The following TNFAIP8 variants were observed in gnomAD, a reference collection of about 807,000 sequenced individuals.
TNFAIP8 encodes TNF alpha induced protein 8.
A neutral mutation model predicts 13.3 loss-of-function variants in TNFAIP8; 7 were observed. That is an observed-to-expected ratio of 0.52 (90% CI 0.30 to 0.99). TNFAIP8 has a LOEUF of 0.99. Among genes scored for constraint, TNFAIP8 ranks in the 50% least tolerant of loss-of-function variants. The pLI, the probability that TNFAIP8 is intolerant of heterozygous loss-of-function variation, is 0.07. For synonymous variants in TNFAIP8, 94 were observed against 87.6 expected (o/e 1.07, Z -0.41); for missense variants, 258 against 236.9 (o/e 1.09, Z -0.58).
chr5:119,327,376 G>GA (rs889583234), intron 1 of TNFAIP8, among the ~76,000 whole-genome samples: 18 of 152,248 alleles, frequency 1.2e-4, no homozygotes, highest in Admixed American at 6.5e-4. Context: ...TTTCTTAGGG[G>GA]AAAAAATCAA....
At chr5:119,296,277 T>G (rs1749172467) in intron 1 of TNFAIP8, among the ~76,000 whole-genome samples, 2 of 151,530 alleles carry the variant, frequency 1.3e-5, no homozygotes, top group African/African-American at 4.9e-5. Flanking sequence ...CATAGATAGC[T>G]CTTATTATTT....
At chr5:119,347,489 T>TA (rs1319092946) in intron 1 of TNFAIP8, among the ~76,000 whole-genome samples, 1 of 152,220 alleles carries the variant, frequency 6.6e-6, no homozygotes, top group African/African-American at 2.4e-5. Flanking sequence ...ATGGACTTAA[T>TA]ATCATCTTTT....
intron 1 of TNFAIP8, chr5:119,333,488 C>A: frequency 6.9e-7 from 1 of 1,454,916 alleles, no homozygotes; most frequent in Non-Finnish European, 9.1e-7. Flanking sequence ...TTGAGAAGGA[C>A]TGAGTCTCCC....
intron 1 of TNFAIP8, among the ~76,000 whole-genome samples, chr5:119,331,645 G>A (rs900011719): frequency 6.6e-6 from 1 of 152,192 alleles, no homozygotes; most frequent in African/African-American, 2.4e-5. Flanking sequence ...TGGGCCTGGA[G>A]CATGTGTAAG....
chr5:119,341,827 G>A (rs1484257621), intron 1 of TNFAIP8, among the ~76,000 whole-genome samples: 3 of 152,126 alleles, frequency 2.0e-5, no homozygotes, highest in Non-Finnish European at 4.4e-5. Context: ...CTGAAGAGAA[G>A]GAACCCTAAT....
chr5:119,274,505 C>G (rs1475780886), intron 1 of TNFAIP8, among the ~76,000 whole-genome samples: 3 of 152,180 alleles, frequency 2.0e-5, no homozygotes, highest in Admixed American at 6.5e-5. Context: ...ATGAGGTATA[C>G]CTGGAAGAGG....
At chr5:119,353,523 AG>A (rs1751254869), upstream of TNFAIP8, among the ~76,000 whole-genome samples, 1 of 152,234 alleles carries the variant, frequency 6.6e-6, no homozygotes, top group Admixed American at 6.5e-5. Flanking sequence ...GAGCTAAAAC[AG>A]AGCATTCTTC....
At chr5:119,307,008 G>T (rs10054006) in intron 1 of TNFAIP8, among the ~76,000 whole-genome samples, 74,855 of 151,984 alleles carry the variant, frequency 0.49, 20,110 homozygotes, top group East Asian at 0.84. Flanking sequence ...AGATGCTATT[G>T]ATTGGTACAG....
chr5:119,327,930 AT>A (rs1750271605), intron 1 of TNFAIP8, among the ~76,000 whole-genome samples: 1 of 152,136 alleles, frequency 6.6e-6, no homozygotes. Context: ...TTACATTATA[AT>A]ACATGAGCTT....
At chr5:119,274,245 C>T (rs550051960) in intron 1 of TNFAIP8, among the ~76,000 whole-genome samples, 10 of 152,190 alleles carry the variant, frequency 6.6e-5, no homozygotes, top group African/African-American at 9.7e-5. Flanking sequence ...GGCAACAGTG[C>T]AAGTTTCAGA....
rs181606835 is a variant in TNFAIP8 at position 119,360,746 on chromosome 5, A to G, written c.31+4625A>G. Among the ~76,000 whole-genome samples, 376 of 152,284 alleles carry G rather than the reference A, an allele frequency of 2.5e-3. 6 individuals are homozygous for G. The highest frequency in any genetic ancestry group is 9.1e-4 in the Non-Finnish European group (62 of 68,014). On this transcript the variant is annotated intron_variant, in intron 1 of 1. Transcript: ENST00000504771. ...ATGCACTCTCCTTGAAGTAGGACAG[A>G]CCTAGTCTGTTTGTATAGTTGTCAT... is the stretch of plus-strand genomic sequence containing the variant.
At chr5:119,298,822 C>T (rs2112646745) in intron 1 of TNFAIP8, among the ~76,000 whole-genome samples, 1 of 152,184 alleles carries the variant, frequency 6.6e-6, no homozygotes, top group Non-Finnish European at 1.5e-5. Context: ...ATTCTTTTTT[C>T]TCTAAACTTC....
Position 119,393,207 on chromosome 5 carries a change from A to C in TNFAIP8, c.423A>C (p.Gln141His). 6.2e-7 allele frequency: 1 copy of C among 1,613,988 alleles called. No individual in the cohort carries two copies. Among genetic ancestry groups the C allele is most frequent in the East Asian group, 2.2e-5 (1 of 44,882 alleles). Residue 141 changes from glutamine (Q) to histidine (H), a missense_variant, in exon 2 of 2, where the codon CAA becomes CAC. Transcript: ENST00000504771. ...LLNECREMLH[Q>H]IIQRHLTAKS... The stretch of plus-strand genomic sequence containing the variant: ...ATGAATGCAGAGAGATGCTGCACCA[A>C]ATCATTCAGCGCCACCTCACTGCCA...
intron 1 of TNFAIP8, among the ~76,000 whole-genome samples, chr5:119,290,153 G>A (rs1042715223): frequency 6.7e-6 from 1 of 150,372 alleles, no homozygotes; most frequent in African/African-American, 2.5e-5. Context: ...GCATACATAA[G>A]TGAAGTGTAG....
intron 1 of TNFAIP8, chr5:119,306,729 T>C (rs543281676): frequency 1.3e-5 from 2 of 152,360 alleles, no homozygotes; most frequent in South Asian, 4.1e-4. Context: ...CCAGTGATTA[T>C]CCAAGCCATT....
At chr5:119,280,615 TG>T (rs974260095) in intron 1 of TNFAIP8, among the ~76,000 whole-genome samples, 11 of 152,300 alleles carry the variant, frequency 7.2e-5, no homozygotes, top group African/African-American at 2.6e-4. Flanking sequence ...GGGAGACACA[TG>T]GGGTCTGGTT....
intron 1 of TNFAIP8, among the ~76,000 whole-genome samples, chr5:119,381,847 G>A (rs1264066237): frequency 6.6e-6 from 1 of 151,934 alleles, no homozygotes; most frequent in African/African-American, 2.4e-5. Flanking sequence ...CAGGAGAATC[G>A]CTTGAACCCG....
intron 1 of TNFAIP8, chr5:119,306,306 C>G (rs1749555504): frequency 7.1e-6 from 1 of 140,304 alleles, no homozygotes; most frequent in Non-Finnish European, 1.5e-5. Flanking sequence ...TTTCTTTTTT[C>G]TTTCTTTCTT....
intron 1 of TNFAIP8, among the ~76,000 whole-genome samples, chr5:119,327,793 G>T (rs963865928): frequency 1.3e-5 from 2 of 152,158 alleles, no homozygotes; most frequent in African/African-American, 4.8e-5. Context: ...CCCTAGGAAG[G>T]AGGTTATTAT....
Sources: gnomAD v4.1 joint callset for allele counts (sites outside exome capture counted in the v4.1 genomes callset) on GRCh38, gnomAD v4.1.1 for gene constraint, MANE v1.5 for transcripts, NCBI Gene and HGNC (gene_info 2026-07-23, HGNC 2026-07-21) for gene names.